GALNTL5: variants seen among roughly 807,000 people sequenced by gnomAD.
GALNTL5 encodes polypeptide N-acetylgalactosaminyltransferase like 5.
Under a neutral mutation model 51.0 loss-of-function variants are expected in GALNTL5, and 44 were observed. The observed-to-expected ratio is 0.86, with a 90% CI of 0.68 to 1.11. The LOEUF (loss-of-function observed/expected upper bound fraction) is 1.11, where lower values mean the gene tolerates loss of function less well. Ranked by LOEUF, GALNTL5 falls within the 50% of genes least tolerant of loss-of-function variation. The probability of loss-of-function intolerance (pLI) is 0.00; values close to 1 mark genes in which losing one functional copy is unlikely to be tolerated. For missense variants in GALNTL5, 528 were observed against 531.8 expected (o/e 0.99, Z 0.07); for synonymous variants, 192 against 182.8 (o/e 1.05, Z -0.41).
intron 1 of GALNTL5, among the ~76,000 whole-genome samples, chr7:151,965,940 G>A (rs1405165304): frequency 2.0e-5 from 3 of 152,016 alleles, no homozygotes; most frequent in Non-Finnish European, 1.5e-5. Flanking sequence ...CAACCATGGA[G>A]GTAATCACTG....
At chr7:151,980,655 C>G (rs539517794) in intron 3 of GALNTL5, among the ~76,000 whole-genome samples, 28 of 151,854 alleles carry the variant, frequency 1.8e-4, no homozygotes, top group African/African-American at 6.8e-4. Context: ...AGGGGACTGT[C>G]CAGGATGCCC....
At chr7:151,988,268 T>C (rs952587645) in intron 5 of GALNTL5, among the ~76,000 whole-genome samples, 1 of 152,238 alleles carries the variant, frequency 6.6e-6, no homozygotes, top group African/African-American at 2.4e-5. Context: ...CTGTCAACGC[T>C]GCTGGGCGGC....
Position 152,007,860 on chromosome 7 carries a change from A to G in GALNTL5, c.942A>G (p.Ile314Met), listed in dbSNP as rs1395482325. 1.2e-6 allele frequency: 2 copies of G among 1,612,118 alleles called. No individual in the cohort carries two copies. Among genetic ancestry groups the G allele is most frequent in the East Asian group, 2.2e-5 (1 of 44,856 alleles). ...SPAMSGGIFA[I>M]RRHYFNEIGQ... ...CAATGTCTGGAGGAATTTTTGCTAT[A>G]CGTCGGCATTATTTTAATGAAATTG... Residue 314 changes from isoleucine (I) to methionine (M), a missense_variant, in exon 7 of 9, where the codon ATA becomes ATG. Transcript: ENST00000392800.
chr7:151,977,549 G>A (rs575043934), intron 3 of GALNTL5, among the ~76,000 whole-genome samples: 1 of 152,116 alleles, frequency 6.6e-6, no homozygotes, highest in South Asian at 2.1e-4. Context: ...TGTGATTTAT[G>A]TTTTTCTTTT....
At chr7:152,001,666 C>T (rs1009883500) in intron 5 of GALNTL5, among the ~76,000 whole-genome samples, 9 of 152,084 alleles carry the variant, frequency 5.9e-5, no homozygotes, top group African/African-American at 9.7e-5. Context: ...AATCAGAAAG[C>T]CCTTCAACCT....
chr7:151,981,544 C>CCCTTCCTTCCTTCCTTCCTT (rs201218158), intron 3 of GALNTL5, among the ~76,000 whole-genome samples: 2 of 130,666 alleles, frequency 1.5e-5, no homozygotes, highest in African/African-American at 5.9e-5. Flanking sequence ...CATCTCTCTT[C>CCCTTCCTTCCTTCCTTCCTT]CCTTCCTTCC....
chr7:151,961,559 C>T (rs564211138), intron 1 of GALNTL5, among the ~76,000 whole-genome samples: 1 of 152,182 alleles, frequency 6.6e-6, no homozygotes, highest in East Asian at 1.9e-4. Context: ...AGAGAGAGGA[C>T]AAAAATGGGA....
chr7:151,964,551 C>T (rs1372661263), intron 1 of GALNTL5, among the ~76,000 whole-genome samples: 1 of 152,168 alleles, frequency 6.6e-6, no homozygotes, highest in Non-Finnish European at 1.5e-5. Flanking sequence ...CATGGTGTGG[C>T]TTGCTCCTCC....
intron 8 of GALNTL5, among the ~76,000 whole-genome samples, chr7:152,017,161 C>T (rs1257421848): frequency 6.6e-6 from 1 of 152,122 alleles, no homozygotes; most frequent in Non-Finnish European, 1.5e-5. Flanking sequence ...GTGGGACCAT[C>T]ATAGCGTGTA....
intron 6 of GALNTL5, among the ~76,000 whole-genome samples, chr7:152,006,512 C>T (rs1010081760): frequency 9.2e-5 from 14 of 152,174 alleles, no homozygotes; most frequent in Non-Finnish European, 2.1e-4. Context: ...GTAGGCACCC[C>T]ACACCCGACC....
At chr7:152,015,879 A>C (rs2081806792) in intron 8 of GALNTL5, among the ~76,000 whole-genome samples, 1 of 152,188 alleles carries the variant, frequency 6.6e-6, no homozygotes, top group Non-Finnish European at 1.5e-5. Context: ...GCTATGTGTA[A>C]ATAAATACAA....
rs61210832 is a variant in GALNTL5, at chr7:151,962,436, C to CTTTTTTTTTTTTTTTTTTT, written c.-39-4757_-39-4756insTTTTTTTTTTTTTTTTTTT. Among the ~76,000 whole-genome samples the CTTTTTTTTTTTTTTTTTTT allele has an allele frequency of 6.9e-5, 8 of 116,242 alleles. 1 individual carries two copies. The highest frequency in any genetic ancestry group is 1.3e-4 in the African/African-American group (4 of 31,616). The allele number at this position is 116,242 out of a possible 152,430, so 76.3% of individuals were successfully genotyped here. A position where few individuals can be genotyped will look rare whatever the true frequency, so the allele number is the denominator to read the frequency against. Reference sequence around the variant, plus strand: ...AAAAAAGTCTGTGTGATTTTTTTTTCTTTTTTTTTTTTTTTGGTTAATGCA... The same window carrying CTTTTTTTTTTTTTTTTTTT: ...AAAAAAGTCTGTGTGATTTTTTTTTCTTTTTTTTTTTTTTTTTTTTTTTTTTTTTTTTTTGGTTAATGCA... On this transcript the variant is annotated intron_variant, in intron 1 of 8. Transcript: ENST00000392800.
chr7:151,993,043 G>A (rs1400542081), intron 5 of GALNTL5, among the ~76,000 whole-genome samples: 1 of 152,006 alleles, frequency 6.6e-6, no homozygotes, highest in African/African-American at 2.4e-5. Context: ...TTCGAGACTG[G>A]TCTGACCAAC....
rs114700817 is a variant in GALNTL5, at chr7:152,012,932, A to G, written c.1027-1712A>G. 9.2e-3 allele frequency among the ~76,000 whole-genome samples: 1,401 copies of G among 152,174 alleles called. 17 individuals are homozygous for G. The highest frequency in any genetic ancestry group is 0.033 in the African/African-American group (1,360 of 41,544). The stretch of plus-strand genomic sequence containing the variant: ...CAGGCTGGATGACAGAGCAAGACTC[A>G]GTCTCAAAAAAACAAAAACAAAAAC... On this transcript the variant is annotated intron_variant, in intron 7 of 8. Coordinates refer to ENST00000392800, the MANE Select transcript of GALNTL5 (RefSeq NM_145292.4).
chr7:151,962,436 C>CTTTTTTTTTTTTTTTTTTTTTTGTT (rs61210832), intron 1 of GALNTL5, among the ~76,000 whole-genome samples: 1 of 116,232 alleles, frequency 8.6e-6, no homozygotes, highest in African/African-American at 3.2e-5. Context: ...ATTTTTTTTT[C>CTTTTTTTTTTTTTTTTTTTTTTGTT]TTTTTTTTTT....
chr7:152,006,755 T>A (rs2081649101), intron 6 of GALNTL5, among the ~76,000 whole-genome samples: 1 of 151,954 alleles, frequency 6.6e-6, no homozygotes, highest in African/African-American at 2.4e-5. Context: ...AATGTAAACT[T>A]GTGATTATTT....
intron 8 of GALNTL5, among the ~76,000 whole-genome samples, chr7:152,017,828 C>T (rs1418504391): frequency 6.6e-6 from 1 of 151,986 alleles, no homozygotes; most frequent in Non-Finnish European, 1.5e-5. Context: ...TCTTGACAAT[C>T]CTCAAATGAG....
intron 3 of GALNTL5, among the ~76,000 whole-genome samples, chr7:151,981,586 CTT>C (rs1416737056): frequency 0.045 from 1,303 of 28,766 alleles, 8 homozygotes; most frequent in South Asian, 0.082. Flanking sequence ...TCCTTCCTTC[CTT>C]CCCTCCTTCC....
At chr7:152,002,677 T>C (rs1377290114) in intron 5 of GALNTL5, 37 bp from the exon 6 acceptor site, 26 of 1,601,654 alleles carry the variant, frequency 1.6e-5, no homozygotes, top group Non-Finnish European at 2.0e-5. Context: ...TTTTTTCAGC[T>C]ATGTGGACTA....
Sources: allele counts gnomAD v4.1 joint callset (sites outside exome capture counted in the v4.1 genomes callset), GRCh38; gene constraint gnomAD v4.1.1; transcripts MANE v1.5; gene names NCBI Gene and HGNC (gene_info 2026-07-23, HGNC 2026-07-21).